ARHGAP32: variants seen among roughly 807,000 people sequenced by gnomAD.
ARHGAP32 encodes Rho GTPase activating protein 32.
Under a neutral mutation model 186.5 loss-of-function variants are expected in ARHGAP32, and 51 were observed. The observed-to-expected ratio is 0.27, with a 90% CI of 0.22 to 0.35. The LOEUF is 0.35. ARHGAP32 is among the 10% of genes least tolerant of loss of function. The probability of loss-of-function intolerance (pLI) is 1.00; values close to 1 mark genes in which losing one functional copy is unlikely to be tolerated. For synonymous variants in ARHGAP32, 950 were observed against 964.3 expected (o/e 0.99, Z 0.27); for missense variants, 2,186 against 2,623.5 (o/e 0.83, Z 3.64).
intron 1 of ARHGAP32, among the ~76,000 whole-genome samples, chr11:129,204,504 C>T (rs1293895833): frequency 3.3e-5 from 5 of 152,134 alleles, no homozygotes; most frequent in South Asian, 2.1e-4. Flanking sequence ...GTTTCTCCCA[C>T]GAAACTAGTT....
At chr11:129,019,039 A>T (rs1484418002) in intron 11 of ARHGAP32, among the ~76,000 whole-genome samples, 3 of 152,208 alleles carry the variant, frequency 2.0e-5, no homozygotes, top group Non-Finnish European at 4.4e-5. Context: ...AATATCATTC[A>T]AATCAGAGTA....
rs151086537 is a variant in ARHGAP32, at chr11:129,160,400, A to G, written c.225+3919T>C. ...CCTTAAGCTGATCAGCAACTTCAGC[A>G]AAGTCTCAGGATACAAAATTAATGT... On this transcript the variant is annotated intron_variant, in intron 2 of 22. Coordinates refer to ENST00000682385, the MANE Select transcript of ARHGAP32 (RefSeq NM_001378024.1). 2.9e-4 allele frequency among the ~76,000 whole-genome samples: 44 copies of G among 152,348 alleles called. 1 individual carries two copies. In the East Asian group the frequency reaches 8.3e-3, roughly 29 times the overall value.
chr11:129,164,286 G>A, intron 2 of ARHGAP32, 33 bp downstream of exon 2: 1 of 1,189,944 alleles, frequency 8.4e-7, no homozygotes, highest in Non-Finnish European at 1.2e-6. Context: ...ACATATATAT[G>A]TATATATGAA....
intron 2 of ARHGAP32, among the ~76,000 whole-genome samples, chr11:129,159,949 C>A (rs181327908): frequency 1.3e-5 from 2 of 151,846 alleles, no homozygotes; most frequent in Admixed American, 6.6e-5. Context: ...TCCATCATAA[C>A]AGAACCAATA....
intron 1 of ARHGAP32, among the ~76,000 whole-genome samples, chr11:129,222,359 A>G (rs12271277): frequency 0.022 from 3,385 of 152,258 alleles, 71 homozygotes; most frequent in African/African-American, 0.051. Context: ...CAGGTTAAGC[A>G]ACTTTCCCAA....
At chr11:129,249,210 CA>C (rs199522521) in intron 1 of ARHGAP32, among the ~76,000 whole-genome samples, 5 of 149,102 alleles carry the variant, frequency 3.4e-5, no homozygotes, top group South Asian at 2.1e-4. Context: ...TGAGACACAC[CA>C]AAAAAAAACT....
At chr11:129,270,984 C>T (rs1485100888) in intron 1 of ARHGAP32, among the ~76,000 whole-genome samples, 3 of 152,148 alleles carry the variant, frequency 2.0e-5, no homozygotes, top group East Asian at 1.9e-4. Flanking sequence ...AGAATGTCTC[C>T]AGACATCACC....
chr11:129,192,104 T>G lies in ARHGAP32; in HGVS notation c.95A>C (p.Glu32Ala). ...VIIQVTDCEE[E>A]EREEKFRKMK... ...TCACCTGAACTTCTCTTCCCTTTCT[T>G]CCTCTTCACAGTCAGTCACCTGGAT... Residue 32 changes from glutamate to alanine, a missense_variant, in exon 1 of 23, where the codon GAA (glutamate) becomes GCA (alanine). By Grantham distance (107) the Glu-to-Ala change is moderately radical. Transcript: ENST00000682385. The G allele has an allele frequency of 6.2e-7, 1 of 1,613,564 alleles. No individual in the cohort carries two copies. The highest frequency in any genetic ancestry group is 8.5e-7 in the Non-Finnish European group (1 of 1,179,628).
In ARHGAP32 at chr11:128,972,434, G is replaced by A. The variant is rs199872512; in HGVS notation, c.4053+19C>T. 2 of 1,508,316 alleles carry A rather than the reference G, an allele frequency of 1.3e-6. No homozygotes were observed. Among genetic ancestry groups the A allele is most frequent in the East Asian group, 4.6e-5 (2 of 43,870 alleles). The allele number at this position is 1,508,316 out of a possible 1,614,324, so 93.4% of individuals were successfully genotyped here. ...TGGTAATAGTATATTTCATCTCACT[G>A]ATATCTTCCCCTTCTTACCTTGTGG... On this transcript the variant is annotated intron_variant, in intron 22 of 22. Coordinates refer to ENST00000682385, the MANE Select transcript of ARHGAP32 (RefSeq NM_001378024.1).
chr11:129,139,496 C>A (rs557238776), intron 2 of ARHGAP32, among the ~76,000 whole-genome samples: 2 of 152,176 alleles, frequency 1.3e-5, no homozygotes, highest in Non-Finnish European at 1.5e-5. Flanking sequence ...CCACCCAAAT[C>A]TGATCTTGAA....
intron 15 of ARHGAP32, 149 bp downstream of exon 15, chr11:128,985,854 G>GTA (rs1376611507): frequency 0.013 from 1,517 of 120,140 alleles, 12 homozygotes; most frequent in East Asian, 0.026. Flanking sequence ...GTGTGTGTGT[G>GTA]TGTGTATATA....
chr11:129,184,055 T>C (rs1944107644), intron 1 of ARHGAP32, among the ~76,000 whole-genome samples: 1 of 152,106 alleles, frequency 6.6e-6, no homozygotes, highest in African/African-American at 2.4e-5. Context: ...AAGCAAGTGG[T>C]ATCATACTGA....
intron 12 of ARHGAP32, among the ~76,000 whole-genome samples, chr11:128,988,614 T>G (rs1945948355): frequency 6.6e-6 from 1 of 152,224 alleles, no homozygotes; most frequent in African/African-American, 2.4e-5. Flanking sequence ...ATCTTCTATA[T>G]TTTCATAGTT....
At chr11:129,044,949 C>G (rs1001569588) in intron 10 of ARHGAP32, among the ~76,000 whole-genome samples, 1 of 151,924 alleles carries the variant, frequency 6.6e-6, no homozygotes, top group African/African-American at 2.4e-5. Context: ...GCTTAATGCA[C>G]TTCTCAGGGA....
chr11:129,060,371 AGAT>A (rs767508686), intron 10 of ARHGAP32, among the ~76,000 whole-genome samples: 33 of 147,674 alleles, frequency 2.2e-4, no homozygotes, highest in African/African-American at 5.4e-4. Flanking sequence ...ATAGATAGAT[AGAT>A]AGATAGATAA....
At chr11:129,265,952 A>G (rs577558103) in intron 1 of ARHGAP32, among the ~76,000 whole-genome samples, 2 of 152,238 alleles carry the variant, frequency 1.3e-5, no homozygotes, top group Non-Finnish European at 2.9e-5. Context: ...TGCTCCATCA[A>G]TTGGTTGAAT....
At chr11:129,271,742 GAAC>G (rs1945475130) in intron 1 of ARHGAP32, among the ~76,000 whole-genome samples, 1 of 152,124 alleles carries the variant, frequency 6.6e-6, no homozygotes, top group East Asian at 1.9e-4. Flanking sequence ...AAATGAGAAT[GAAC>G]AACTAAGAGG....
At chr11:129,034,286 C>T (rs1394789868) in intron 11 of ARHGAP32, among the ~76,000 whole-genome samples, 4 of 152,172 alleles carry the variant, frequency 2.6e-5, no homozygotes, top group Non-Finnish European at 5.9e-5. Context: ...ATCACCTTAT[C>T]ACAATAATTG....
At chr11:129,124,741 A>G in intron 3 of ARHGAP32, 62 bp downstream of exon 3, 1 of 1,291,016 alleles carries the variant, frequency 7.7e-7, no homozygotes, top group Non-Finnish European at 1.1e-6. Flanking sequence ...TTTTAAGAGA[A>G]TTGAAGAACT....
Sources: gnomAD v4.1 joint callset for allele counts (sites outside exome capture counted in the v4.1 genomes callset) on GRCh38, gnomAD v4.1.1 for gene constraint, MANE v1.5 for transcripts, NCBI Gene and HGNC (gene_info 2026-07-23, HGNC 2026-07-21) for gene names.